The following ASTN1 variants were observed in gnomAD, a reference collection of about 807,000 sequenced individuals.
ASTN1 encodes the protein astrotactin 1, also known as astrotactin-1.
A neutral mutation model predicts 140.7 loss-of-function variants in ASTN1; 41 were observed. The ratio of observed to expected loss-of-function variants is 0.29; its 90% CI spans 0.23 to 0.38. ASTN1 has a LOEUF of 0.38. Ranked by LOEUF, ASTN1 falls within the 10% of genes least tolerant of loss-of-function variation. The pLI is 1.00. For synonymous variants in ASTN1, 640 were observed against 652.2 expected, an observed-to-expected ratio of 0.98 and a Z score of 0.29; for missense variants, 1,479 against 1,678.8, an observed-to-expected ratio of 0.88 and a Z score of 2.08.
intron 1 of ASTN1, among the ~76,000 whole-genome samples, chr1:177,080,593 C>T (rs913021160): frequency 1.3e-5 from 2 of 152,236 alleles, no homozygotes; most frequent in South Asian, 2.1e-4. Flanking sequence ...CTCAAAATCA[C>T]GCCATGAAAC....
At chr1:177,135,540 C>T (rs967572655) in intron 1 of ASTN1, among the ~76,000 whole-genome samples, 5 of 152,120 alleles carry the variant, frequency 3.3e-5, no homozygotes, top group African/African-American at 1.2e-4. Context: ...TTTTTAAAAA[C>T]AGAAAGCCAA....
chr1:177,147,463 T>C (rs1215253887), intron 1 of ASTN1, among the ~76,000 whole-genome samples: 2 of 152,096 alleles, frequency 1.3e-5, no homozygotes, highest in African/African-American at 2.4e-5. Flanking sequence ...AGAAAATTAT[T>C]TTAGAATTAG....
intron 19 of ASTN1, 106 bp downstream of exon 19, chr1:176,884,233 C>T: frequency 7.4e-7 from 1 of 1,354,438 alleles, no homozygotes; most frequent in Non-Finnish European, 1.0e-6. Flanking sequence ...CTGCATTGCC[C>T]TGGGATACTG....
chr1:176,983,342 C>T (rs941850480), intron 8 of ASTN1, among the ~76,000 whole-genome samples: 1 of 152,080 alleles, frequency 6.6e-6, no homozygotes, highest in Non-Finnish European at 1.5e-5. Context: ...GCAGCCACAG[C>T]CTCCCCCTGA....
chr1:177,002,368 TACACACAAACACACAC>T (rs1674769830), intron 8 of ASTN1, among the ~76,000 whole-genome samples: 1 of 94,292 alleles, frequency 1.1e-5, no homozygotes, highest in Middle Eastern at 5.5e-3. Context: ...AAATGTGCCT[TACACACAAACACACAC>T]ACACACACAC....
At chr1:177,035,542 A>G (rs1209319027) in intron 2 of ASTN1, among the ~76,000 whole-genome samples, 1 of 152,244 alleles carries the variant, frequency 6.6e-6, no homozygotes, top group Non-Finnish European at 1.5e-5. Flanking sequence ...TTGGTAGTAA[A>G]AAGACGATAC....
At chr1:177,128,925 CA>C (rs1179898916) in intron 1 of ASTN1, among the ~76,000 whole-genome samples, 1 of 152,032 alleles carries the variant, frequency 6.6e-6, no homozygotes, top group African/African-American at 2.4e-5. Context: ...GATAAACAGT[CA>C]AAAAAGAAGT....
intron 1 of ASTN1, among the ~76,000 whole-genome samples, chr1:177,105,051 G>T (rs772974437): frequency 6.6e-6 from 1 of 152,152 alleles, no homozygotes; most frequent in African/African-American, 2.4e-5. Flanking sequence ...GGAGTCAAGT[G>T]GTGGTTCTCT....
intron 17 of ASTN1, among the ~76,000 whole-genome samples, chr1:176,890,731 A>C (rs1669223454): frequency 6.6e-6 from 1 of 152,206 alleles, no homozygotes; most frequent in Non-Finnish European, 1.5e-5. Flanking sequence ...ACTCCATAAG[A>C]GTTCCTACTC....
At chr1:177,023,712 C>T in intron 6 of ASTN1, 141 bp from the exon 7 acceptor site, 4 of 996,686 alleles carry the variant, frequency 4.0e-6, no homozygotes, top group Non-Finnish European at 4.2e-6. Context: ...CCATCATTAG[C>T]CCCAGAGCAA....
At chr1:176,929,355 C>T (rs920821740) in intron 16 of ASTN1, among the ~76,000 whole-genome samples, 6 of 152,160 alleles carry the variant, frequency 3.9e-5, no homozygotes, top group Non-Finnish European at 7.3e-5. Flanking sequence ...ATAGAGAAGG[C>T]TATGTGGCTC....
At chr1:177,018,468 C>A (rs1282252514) in intron 7 of ASTN1, among the ~76,000 whole-genome samples, 2 of 152,182 alleles carry the variant, frequency 1.3e-5, no homozygotes, top group Non-Finnish European at 2.9e-5. Context: ...TCGAATGCCC[C>A]TCAACAGGTT....
chr1:176,879,361 T>C (rs1668695068), intron 20 of ASTN1, among the ~76,000 whole-genome samples: 1 of 152,216 alleles, frequency 6.6e-6, no homozygotes, highest in Admixed American at 6.5e-5. Context: ...AGTCTGGCTA[T>C]GTGCAGCTCT....
intron 16 of ASTN1, among the ~76,000 whole-genome samples, chr1:176,900,002 G>A (rs909264197): frequency 2.6e-5 from 4 of 152,110 alleles, no homozygotes; most frequent in South Asian, 2.1e-4. Flanking sequence ...CCTTTGAAAC[G>A]TCTTTGCCTA....
intron 22 of ASTN1, among the ~76,000 whole-genome samples, chr1:176,867,901 T>C (rs1490461541): frequency 1.3e-5 from 2 of 151,414 alleles, no homozygotes; most frequent in Non-Finnish European, 2.9e-5. Flanking sequence ...GAGGATTCTA[T>C]AGTGTTGATT....
intron 2 of ASTN1, among the ~76,000 whole-genome samples, chr1:177,042,031 T>C (rs1677001540): frequency 6.6e-6 from 1 of 152,112 alleles, no homozygotes; most frequent in Non-Finnish European, 1.5e-5. Flanking sequence ...GGAAAGAGGG[T>C]CAAGATGTCA....
intron 2 of ASTN1, among the ~76,000 whole-genome samples, chr1:177,033,062 A>AGT (rs1268732614): frequency 2.6e-5 from 4 of 151,916 alleles, no homozygotes; most frequent in African/African-American, 9.7e-5. Context: ...TGGGATGACC[A>AGT]GTGCATCATT....
chr1:176,879,093 C>T (rs995046095), intron 20 of ASTN1, among the ~76,000 whole-genome samples: 4 of 152,208 alleles, frequency 2.6e-5, no homozygotes, highest in African/African-American at 9.6e-5. Context: ...CTGATGCTCT[C>T]AGGCCAGCAT....
intron 8 of ASTN1, among the ~76,000 whole-genome samples, chr1:177,000,967 C>T (rs1402558026): frequency 6.6e-6 from 1 of 152,152 alleles, no homozygotes; most frequent in Middle Eastern, 3.2e-3. Context: ...GGTATTCCTA[C>T]TCTTACTTCC....
Sources: gnomAD v4.1 joint callset for allele counts (sites outside exome capture counted in the v4.1 genomes callset) on GRCh38, gnomAD v4.1.1 for gene constraint, MANE v1.5 for transcripts, NCBI Gene and HGNC (gene_info 2026-07-23, HGNC 2026-07-21) for gene names.